MAST1: variants seen among roughly 807,000 people sequenced by gnomAD.
MAST1 encodes microtubule associated serine/threonine kinase 1, also known as microtubule-associated serine/threonine-protein kinase 1.
A neutral mutation model predicts 124.6 loss-of-function variants in MAST1; 40 were observed. The observed-to-expected ratio is 0.32, with a 90% CI of 0.25 to 0.42. MAST1 has a LOEUF of 0.42. Among genes scored for constraint, MAST1 ranks in the 10% least tolerant of loss-of-function variants. The pLI, the probability that MAST1 is intolerant of heterozygous loss-of-function variation, is 1.00. For synonymous variants in MAST1, 938 were observed against 939.4 expected (o/e 1.00, Z 0.03); for missense variants, 1,558 against 2,181.9 (o/e 0.71, Z 5.70).
intron 7 of MAST1, among the ~76,000 whole-genome samples, chr19:12,850,371 C>T (rs1226633273): frequency 6.6e-6 from 1 of 152,086 alleles, no homozygotes; most frequent in Non-Finnish European, 1.5e-5. Flanking sequence ...ACAAGTCAAA[C>T]AAACAAAGAC....
chr19:12,845,295 C>A (rs1969878201), intron 4 of MAST1, among the ~76,000 whole-genome samples: 1 of 150,620 alleles, frequency 6.6e-6, no homozygotes, highest in African/African-American at 2.4e-5. Context: ...AGCTATATGA[C>A]CAGGCATGGT....
At chr19:12,873,288 A>G (rs1599593586) in intron 24 of MAST1, 36 bp from the exon 25 acceptor site, 8 of 1,588,882 alleles carry the variant, frequency 5.0e-6, no homozygotes, top group Non-Finnish European at 6.9e-6. Context: ...TCTGGCGTCC[A>G]GGTCAAGGAC....
chr19:12,847,443 A>G lies in MAST1; in HGVS notation c.481A>G (p.Ser161Gly), dbSNP rs1969907493. ...RSPAVRPRSR[S>G]LSPGRSPSSY... ...CCCAGCCGTGCGGCCCCGCTCACGG[A>G]GCCTCAGGTGGGCAGGCATCCCTCC... Residue 161 changes from serine (S) to glycine (G), a missense_variant, in exon 5 of 26, where the codon AGC (serine) becomes GGC (glycine). By Grantham distance (56) the Ser-to-Gly change is moderately conservative. This residue lies in a region of MAST1 where 165 missense variants were observed against 315.3 expected (regional missense o/e 0.52). Transcript: ENST00000251472. The surrounding 1 kb of genome is among the most constrained non-coding windows in gnomAD (Gnocchi z 5.5). The G allele has an allele frequency of 6.2e-7, 1 of 1,613,474 alleles. No homozygotes were observed. The highest frequency in any genetic ancestry group is 1.7e-5 in the Admixed American group (1 of 59,908).
Position 12,867,456 on chromosome 19 carries a change from T to G in MAST1, c.2140-18T>G, listed in dbSNP as rs1568413932. On this transcript the variant is annotated intron_variant, in intron 18 of 25. Transcript: ENST00000251472. ...AAGTGGAACCCGGGCTGGACTTGCC[T>G]CCCACCACCACCTACAGGTGTATAG... 1.5e-5 allele frequency: 24 copies of G among 1,611,922 alleles called. No individual in the cohort carries two copies. The highest frequency in any genetic ancestry group is 1.8e-5 in the Non-Finnish European group (21 of 1,179,706).
At position 12,874,138 on chromosome 19, in the gene MAST1, C is replaced by T; in HGVS notation, c.3981C>T (p.Ala1327=). 6.5e-7 allele frequency: 1 copy of T among 1,541,188 alleles called. No individual in the cohort carries two copies. The highest frequency in any genetic ancestry group is 8.7e-7 in the Non-Finnish European group (1 of 1,145,910). Residue 1327 remains alanine (A), a synonymous_variant, in exon 26 of 26, where the codon GCC becomes GCT. Transcript: ENST00000251472. The surrounding 1 kb of genome is among the most constrained non-coding windows in gnomAD (Gnocchi z 6.6). ...VEGLGAPRQV[A]VRRLGRQESP... ...GCCTTGGCGCGCCCCGGCAGGTCGCCGTCCGCCGCCTGGGCCGACAGGAGT... is the reference window on the plus strand; with the variant it reads ...GCCTTGGCGCGCCCCGGCAGGTCGCTGTCCGCCGCCTGGGCCGACAGGAGT...
chr19:12,847,755 C>T lies in MAST1; in HGVS notation c.564+68C>T. ...TGCACTCTCGCTCGCCTTATCCCCG[C>T]GCGCCCCCTGGCGGCCTCGGTGCGC... is the stretch of plus-strand genomic sequence containing the variant. On this transcript the variant is annotated intron_variant, in intron 6 of 25. Transcript: ENST00000251472. The surrounding 1 kb of genome is among the most constrained non-coding windows in gnomAD (Gnocchi z 5.5). 2 of 1,588,512 alleles carry T rather than the reference C, an allele frequency of 1.3e-6. No homozygotes were observed. Among genetic ancestry groups the T allele is most frequent in the South Asian group, 2.2e-5 (2 of 90,094 alleles).
chr19:12,860,037 C>T (rs1347705460), intron 12 of MAST1, among the ~76,000 whole-genome samples: 1 of 151,838 alleles, frequency 6.6e-6, no homozygotes, highest in Non-Finnish European at 1.5e-5. Flanking sequence ...TTCCATCCAT[C>T]CCTCACATCC....
chr19:12,864,802 C>T lies in MAST1; in HGVS notation c.1367-7C>T. On this transcript the variant is annotated splice_region_variant and splice_polypyrimidine_tract_variant and intron_variant, in intron 12 of 25. Coordinates refer to ENST00000251472, the MANE Select transcript of MAST1 (RefSeq NM_014975.3). ...CTTTTTATGCGGGCCCATTTCCTGG[C>T]CTGCAGGCGGCGACTGTGCCACCCT... 2 of 1,613,638 alleles carry T rather than the reference C, an allele frequency of 1.2e-6. No individual in the cohort carries two copies. The highest frequency in any genetic ancestry group is 1.7e-6 in the Non-Finnish European group (2 of 1,179,996).
In MAST1 at chr19:12,874,816, C is replaced by T; in HGVS notation, c.4659C>T (p.Pro1553=). Reference sequence around the variant, plus strand: ...CCCGGTGCCCTGCTGAAGCTGTGCCCCCAGCAGGCCTGACCAAAAAAGGAG... The same window carrying T: ...CCCGGTGCCCTGCTGAAGCTGTGCCTCCAGCAGGCCTGACCAAAAAAGGAG... ...LTSRCPAEAV[P]PAGLTKKGVS... Residue 1553 remains proline (P), a synonymous_variant, in exon 26 of 26, where the codon CCC becomes CCT. Coordinates refer to ENST00000251472, the MANE Select transcript of MAST1 (RefSeq NM_014975.3). This position sits in a 1 kb window ranked among gnomAD's most constrained non-coding sequence, Gnocchi z 6.6. The T allele has an allele frequency of 2.5e-6, 4 of 1,597,468 alleles. No homozygotes were observed. The highest frequency in any genetic ancestry group is 3.4e-6 in the Non-Finnish European group (4 of 1,169,234).
intron 7 of MAST1, among the ~76,000 whole-genome samples, chr19:12,850,018 T>G (rs1332202650): frequency 6.6e-6 from 1 of 151,722 alleles, no homozygotes; most frequent in Non-Finnish European, 1.5e-5. Context: ...GGCTGGTCTC[T>G]AACTCCTGAC....
chr19:12,872,122 A>G (rs1461049868), intron 24 of MAST1, among the ~76,000 whole-genome samples: 1 of 152,140 alleles, frequency 6.6e-6, no homozygotes, highest in African/African-American at 2.4e-5. Context: ...GTGTTTAGAC[A>G]GAACTGGGAA....
chr19:12,870,887 G>A lies in MAST1; in HGVS notation c.3067G>A (p.Val1023Met). 3 of 1,614,086 alleles carry A rather than the reference G, an allele frequency of 1.9e-6. No individual in the cohort carries two copies. Among genetic ancestry groups the A allele is most frequent in the Non-Finnish European group, 1.7e-6 (2 of 1,180,002 alleles). The change falls in exon 23 of 26, where the codon GTG (valine) becomes ATG (methionine). Residue 1023 changes from valine (V) to methionine (M), a missense_variant. This residue lies in a region of MAST1 where 291 missense variants were observed against 475.8 expected (regional missense o/e 0.61). Coordinates refer to ENST00000251472, the MANE Select transcript of MAST1 (RefSeq NM_014975.3). ...GLCAGDLITH[V>M]NGEPVHGMVH... is the part of the protein sequence containing the mutation. ...CTGTGCTGGGGACCTCATCACCCACGTGAATGGGGAGCCTGTGCATGGCAT... is the reference window on the plus strand; with the variant it reads ...CTGTGCTGGGGACCTCATCACCCACATGAATGGGGAGCCTGTGCATGGCAT...
intron 4 of MAST1, among the ~76,000 whole-genome samples, chr19:12,845,030 G>A (rs1418115686): frequency 6.6e-6 from 1 of 152,078 alleles, no homozygotes; most frequent in Non-Finnish European, 1.5e-5. Context: ...GGCCGGGCGC[G>A]GTGGCTCATG....
chr19:12,852,044 G>C lies in MAST1; in HGVS notation c.876+9G>C. 1 of 1,613,958 alleles carries C rather than the reference G, an allele frequency of 6.2e-7. No individual in the cohort carries two copies. Among genetic ancestry groups the C allele is most frequent in the South Asian group, 1.1e-5 (1 of 91,076 alleles). ...GGCTGCTGGAGTGCCTGGTGAGGGG[G>C]CTGGGCATGGGTAGGGGTGGGTTGG... On this transcript the variant is annotated intron_variant, in intron 8 of 25. Coordinates refer to ENST00000251472, the MANE Select transcript of MAST1 (RefSeq NM_014975.3).
At chr19:12,852,501 C>T in intron 10 of MAST1, 106 bp downstream of exon 10, 3 of 1,036,810 alleles carry the variant, frequency 2.9e-6, no homozygotes, top group Non-Finnish European at 4.5e-6. Context: ...CTTGGTCCTA[C>T]ACTCTGAGCC....
At position 12,838,991 on chromosome 19, in the gene MAST1, C is replaced by T. The variant is rs1179714731; in HGVS notation, c.83+336C>T. Among the ~76,000 whole-genome samples the T allele has an allele frequency of 6.6e-6, 1 of 152,032 alleles. No individual in the cohort carries two copies. The highest frequency in any genetic ancestry group is 1.5e-5 in the Non-Finnish European group (1 of 67,972). ...GGCTTGGCACCCTCAGAACAATAGCCGCAGCCTGGCCTCCCCCCACCCCCA... is the reference window on the plus strand; with the variant it reads ...GGCTTGGCACCCTCAGAACAATAGCTGCAGCCTGGCCTCCCCCCACCCCCA... On this transcript the variant is annotated intron_variant, in intron 1 of 25. Transcript: ENST00000251472. This position sits in a 1 kb window ranked among gnomAD's most constrained non-coding sequence, Gnocchi z 4.3.
intron 7 of MAST1, among the ~76,000 whole-genome samples, chr19:12,851,619 T>C (rs1279981135): frequency 1.3e-5 from 2 of 152,214 alleles, no homozygotes; most frequent in Non-Finnish European, 2.9e-5. Flanking sequence ...CCCAAGTAGC[T>C]GGGATTACAG....
At chr19:12,857,013 C>T (rs1320442619) in intron 10 of MAST1, among the ~76,000 whole-genome samples, 1 of 152,118 alleles carries the variant, frequency 6.6e-6, no homozygotes, top group Non-Finnish European at 1.5e-5. Flanking sequence ...GTTTTTTCTC[C>T]CAATCTGCTA....
chr19:12,857,035 G>A (rs1019587026), intron 10 of MAST1, among the ~76,000 whole-genome samples: 1 of 152,102 alleles, frequency 6.6e-6, no homozygotes, highest in South Asian at 2.1e-4. Context: ...GTGAAAAATG[G>A]TATTTTGTGG....
Sources: gnomAD v4.1 joint callset for allele counts (sites outside exome capture counted in the v4.1 genomes callset) on GRCh38, gnomAD v4.1.1 for gene constraint, gnomAD v4.1.1 regional missense constraint, Gnocchi (gnomAD v3.1) non-coding constraint, MANE v1.5 for transcripts, NCBI Gene and HGNC (gene_info 2026-07-23, HGNC 2026-07-21) for gene names.